Variants in YTHDC2 observed in about 807,000 individuals in gnomAD.
YTHDC2 encodes the protein YTH N6-methyladenosine RNA binding protein C2, also known as 3'-5' RNA helicase YTHDC2.
YTHDC2 carries 45 observed loss-of-function variants against 174.9 expected under a neutral mutation model. The ratio of observed to expected loss-of-function variants is 0.26; its 90% CI spans 0.20 to 0.33. YTHDC2 has a LOEUF of 0.33. Ranked by LOEUF, YTHDC2 falls within the 10% of genes least tolerant of loss-of-function variation. The probability of loss-of-function intolerance (pLI) is 1.00; values close to 1 mark genes in which losing one functional copy is unlikely to be tolerated. For synonymous variants in YTHDC2, 657 were observed against 574.5 expected (o/e 1.14, Z -2.05); for missense variants, 1,650 against 1,723.7 (o/e 0.96, Z 0.76).
At chr5:113,547,741 T>C (rs1775985977) in intron 10 of YTHDC2, among the ~76,000 whole-genome samples, 1 of 152,216 alleles carries the variant, frequency 6.6e-6, no homozygotes, top group Non-Finnish European at 1.5e-5. Context: ...ATATTGATAA[T>C]GGATACCATG....
At chr5:113,582,510 A>C (rs573106643) in intron 25 of YTHDC2, 49 of 152,296 alleles carry the variant, frequency 3.2e-4, no homozygotes, top group African/African-American at 1.1e-3. Context: ...CATTTGTTAG[A>C]ATCAAATTTA....
Position 113,567,732 on chromosome 5 carries a change from G to A in YTHDC2, c.3127G>A (p.Ala1043Thr), listed in dbSNP as rs748463627. Residue 1043 changes from alanine to threonine, a missense_variant, in exon 23 of 30, where the codon GCC (alanine) becomes ACC (threonine). This residue lies in a region of YTHDC2 where 913 missense variants were observed against 940.4 expected (regional missense o/e 0.97). Transcript: ENST00000161863. ...DWLIYDEMTR[A>T]HRIANIRCCS... Reference sequence around the variant, plus strand: ...GCTTATTTATGATGAAATGACCAGAGCCCATAGAATAGCTAATATTAGATG... The same window carrying A: ...GCTTATTTATGATGAAATGACCAGAACCCATAGAATAGCTAATATTAGATG... 1.1e-5 allele frequency: 17 copies of A among 1,611,666 alleles called. No homozygotes were observed. The Admixed American group carries it at 2.5e-4, about 24-fold the overall frequency.
chr5:113,539,094 G>A lies in YTHDC2; in HGVS notation c.1123G>A (p.Val375Ile). ...TTTAGTACAGGGAAGACCATTTGAA[G>A]TAAAAGAAATGTTTCTGGAAGATAT... ...VIYIQGRPFE[V>I]KEMFLEDILR... Residue 375 changes from valine to isoleucine, a missense_variant, in exon 8 of 30, where the codon GTA becomes ATA. Val to Ile is a conservative substitution (Grantham distance 29). This residue lies in a region of YTHDC2 where 411 missense variants were observed against 380.6 expected (regional missense o/e 1.08). Coordinates refer to ENST00000161863, the MANE Select transcript of YTHDC2 (RefSeq NM_022828.5). 7.0e-7 allele frequency: 1 copy of A among 1,418,462 alleles called. No individual in the cohort carries two copies. Among genetic ancestry groups the A allele is most frequent in the Non-Finnish European group, 9.5e-7 (1 of 1,056,320 alleles). The allele number at this position is 1,418,462 out of a possible 1,614,324, so 87.9% of individuals were successfully genotyped here.
intron 4 of YTHDC2, among the ~76,000 whole-genome samples, chr5:113,529,162 G>A (rs2112565959): frequency 6.6e-6 from 1 of 152,142 alleles, no homozygotes; most frequent in South Asian, 2.1e-4. Context: ...ACACTTTACT[G>A]TTTGCTGAGT....
At chr5:113,570,010 T>C (rs1448726854) in intron 23 of YTHDC2, among the ~76,000 whole-genome samples, 1 of 152,204 alleles carries the variant, frequency 6.6e-6, no homozygotes, top group African/African-American at 2.4e-5. Flanking sequence ...TCTGATTTCT[T>C]TGAGCAGTGA....
chr5:113,544,847 C>G (rs1775748699), intron 10 of YTHDC2, among the ~76,000 whole-genome samples: 1 of 152,044 alleles, frequency 6.6e-6, no homozygotes, highest in Non-Finnish European at 1.5e-5. Flanking sequence ...GTGTTAATCT[C>G]TTAGTAACCA....
chr5:113,590,146 T>G (rs1030254349), intron 26 of YTHDC2, among the ~76,000 whole-genome samples: 1 of 152,230 alleles, frequency 6.6e-6, no homozygotes, highest in Admixed American at 6.5e-5. Context: ...TTGTATATTC[T>G]TTGTGTTTCT....
intron 25 of YTHDC2, chr5:113,581,966 A>C: frequency 1.1e-5 from 3 of 263,120 alleles, no homozygotes; most frequent in Non-Finnish European, 1.4e-5. Context: ...GAAAAGGTCA[A>C]AATATCTAAT....
chr5:113,581,762 A>G, intron 25 of YTHDC2, 53 bp downstream of exon 25: 1 of 1,353,192 alleles, frequency 7.4e-7, no homozygotes, highest in East Asian at 2.6e-5. Flanking sequence ...AGGAAAATGA[A>G]TTATTTATCT....
At chr5:113,583,134 G>C (rs1278292661) in intron 25 of YTHDC2, 1 of 152,140 alleles carries the variant, frequency 6.6e-6, no homozygotes, top group Non-Finnish European at 1.5e-5. Flanking sequence ...AGTGTTTCTT[G>C]TATGCTGATT....
At chr5:113,582,746 A>C (rs1326526688) in intron 25 of YTHDC2, 3 of 152,152 alleles carry the variant, frequency 2.0e-5, no homozygotes, top group Non-Finnish European at 4.4e-5. Flanking sequence ...AGATTTTTGC[A>C]TATTTGAATG....
At chr5:113,560,639 G>T (rs1776901273) in intron 17 of YTHDC2, among the ~76,000 whole-genome samples, 1 of 152,140 alleles carries the variant, frequency 6.6e-6, no homozygotes, top group Admixed American at 6.5e-5. Flanking sequence ...AGAAAATTAT[G>T]CAAGTCTTTA....
intron 23 of YTHDC2, among the ~76,000 whole-genome samples, chr5:113,575,090 C>A (rs558884911): frequency 2.6e-5 from 4 of 152,296 alleles, no homozygotes; most frequent in Admixed American, 2.0e-4. Context: ...AATGTGAGAA[C>A]CTGGATATTT....
At chr5:113,566,292 G>C (rs1447285462) in intron 21 of YTHDC2, among the ~76,000 whole-genome samples, 2 of 151,996 alleles carry the variant, frequency 1.3e-5, no homozygotes, top group African/African-American at 4.8e-5. Context: ...TGTATTGGTT[G>C]GCAGAGATCA....
At chr5:113,525,624 C>G (rs1774162590) in intron 3 of YTHDC2, among the ~76,000 whole-genome samples, 1 of 152,000 alleles carries the variant, frequency 6.6e-6, no homozygotes, top group Non-Finnish European at 1.5e-5. Context: ...ATTATGCTGC[C>G]ATAACACACT....
In YTHDC2 at chr5:113,561,070, T is replaced by C; in HGVS notation, c.2217-10T>C. On this transcript the variant is annotated splice_polypyrimidine_tract_variant and intron_variant, in intron 17 of 29. Transcript: ENST00000161863. ...TTGTTTGAGTCCTAATCTTGTACTT[T>C]ATTTTTAAGGGCAGGGCGATGTAGA... The C allele has an allele frequency of 2.5e-6, 4 of 1,596,024 alleles. No individual in the cohort carries two copies. Among genetic ancestry groups the C allele is most frequent in the Non-Finnish European group, 3.4e-6 (4 of 1,170,822 alleles).
intron 10 of YTHDC2, among the ~76,000 whole-genome samples, chr5:113,546,110 C>T (rs1008895399): frequency 1.3e-5 from 2 of 151,932 alleles, no homozygotes; most frequent in Non-Finnish European, 2.9e-5. Context: ...AGTTTTCTTG[C>T]GTTCTTTCTT....
At chr5:113,565,173 G>A (rs188054833) in intron 20 of YTHDC2, among the ~76,000 whole-genome samples, 1 of 152,236 alleles carries the variant, frequency 6.6e-6, no homozygotes, top group Non-Finnish European at 1.5e-5. Context: ...AGACACAGAA[G>A]ATTTTTTCAC....
chr5:113,589,834 C>T (rs1030998555), intron 26 of YTHDC2, among the ~76,000 whole-genome samples: 14 of 152,146 alleles, frequency 9.2e-5, no homozygotes, highest in South Asian at 2.1e-4. Context: ...GATGCTTTAA[C>T]ATTCTTGTCT....
Sources: gnomAD v4.1 joint callset for allele counts (sites outside exome capture counted in the v4.1 genomes callset) on GRCh38, gnomAD v4.1.1 for gene constraint, gnomAD v4.1.1 regional missense constraint, MANE v1.5 for transcripts, NCBI Gene and HGNC (gene_info 2026-07-23, HGNC 2026-07-21) for gene names.